Variants in RABGAP1L observed in about 807,000 individuals in gnomAD.
RABGAP1L encodes the protein RAB GTPase activating protein 1 like.
Under a neutral mutation model 137.7 loss-of-function variants are expected in RABGAP1L, and 63 were observed. The ratio of observed to expected loss-of-function variants is 0.46; its 90% CI spans 0.37 to 0.56. The LOEUF is 0.56. Ranked by LOEUF, RABGAP1L falls within the 20% of genes least tolerant of loss-of-function variation. The pLI is 0.00. For missense variants in RABGAP1L, 1,095 were observed against 1,244.0 expected (o/e 0.88, Z 1.80); for synonymous variants, 431 against 433.7 (o/e 0.99, Z 0.08).
chr1:174,943,802 C>T (rs1346636053), intron 19 of RABGAP1L, among the ~76,000 whole-genome samples: 4 of 151,916 alleles, frequency 2.6e-5, no homozygotes. Flanking sequence ...CACTGCACTC[C>T]AGCCGGCGCG....
chr1:174,436,243 A>C, intron 13 of RABGAP1L, among the ~76,000 whole-genome samples: 1 of 152,208 alleles, frequency 6.6e-6, no homozygotes, highest in Admixed American at 6.5e-5. Context: ...TGACTTCCAC[A>C]ATGGTTGAAC....
intron 1 of RABGAP1L, among the ~76,000 whole-genome samples, chr1:174,216,599 T>TG (rs1669343490): frequency 7.1e-6 from 1 of 140,280 alleles, no homozygotes; most frequent in Middle Eastern, 3.9e-3. Context: ...TTTTTTTTTT[T>TG]GTCCATGTGG....
At chr1:174,234,897 G>A (rs1477947569) in intron 4 of RABGAP1L, among the ~76,000 whole-genome samples, 1 of 135,014 alleles carries the variant, frequency 7.4e-6, no homozygotes, top group African/African-American at 3.0e-5. Flanking sequence ...TCCTACCCAT[G>A]AGCATGGAAT....
intron 13 of RABGAP1L, among the ~76,000 whole-genome samples, chr1:174,502,551 G>C (rs1158659069): frequency 2.1e-5 from 3 of 142,680 alleles, no homozygotes; most frequent in Non-Finnish European, 4.5e-5. Context: ...AAGAGAAACA[G>C]AGATAATGCA....
intron 19 of RABGAP1L, among the ~76,000 whole-genome samples, chr1:174,860,832 G>A (rs529382772): frequency 1.3e-5 from 2 of 152,194 alleles, no homozygotes; most frequent in South Asian, 4.2e-4. Flanking sequence ...TTATATTTAA[G>A]GTGTATAACA....
In RABGAP1L at chr1:174,448,891, C is replaced by T; in HGVS notation, c.1710+54746C>T. 6.2e-7 allele frequency: 1 copy of T among 1,613,332 alleles called. No homozygotes were observed. The highest frequency in any genetic ancestry group is 2.2e-5 in the East Asian group (1 of 44,882). ...CCAGAGAGACTGGACACAGCCCTGA[C>T]CGTCGCTACGCCATGGTTTTGTTTA... On this transcript the variant is annotated intron_variant, in intron 13 of 25. Transcript: ENST00000681986. This position sits in a 1 kb window ranked among gnomAD's most constrained non-coding sequence, Gnocchi z 4.2.
intron 17 of RABGAP1L, among the ~76,000 whole-genome samples, chr1:174,718,864 A>G (rs1306380467): frequency 1.7e-3 from 215 of 129,724 alleles, no homozygotes; most frequent in African/African-American, 5.8e-3. Context: ...TTTGAGACAG[A>G]GTTTCGCTCT....
At chr1:174,237,006 C>A (rs1420156780) in intron 4 of RABGAP1L, among the ~76,000 whole-genome samples, 160 of 102,774 alleles carry the variant, frequency 1.6e-3, no homozygotes, top group South Asian at 4.8e-3. Flanking sequence ...TTGAATTGAT[C>A]CCTTTACCAT....
chr1:174,294,459 A>G (rs1158481994), intron 10 of RABGAP1L, among the ~76,000 whole-genome samples: 1 of 152,186 alleles, frequency 6.6e-6, no homozygotes, highest in African/African-American at 2.4e-5. Flanking sequence ...TTGATGGAGC[A>G]TCAGTGGACT....
chr1:174,190,957 A>G (rs1228897024), intron 1 of RABGAP1L, among the ~76,000 whole-genome samples: 1 of 152,198 alleles, frequency 6.6e-6, no homozygotes, highest in African/African-American at 2.4e-5. Context: ...AAAGAGATGG[A>G]AGAACGGCTA....
At chr1:174,499,771 G>A (rs1661086583) in intron 13 of RABGAP1L, among the ~76,000 whole-genome samples, 1 of 152,188 alleles carries the variant, frequency 6.6e-6, no homozygotes, top group Non-Finnish European at 1.5e-5. Flanking sequence ...AACAGTTCTA[G>A]TGTTGTATAG....
intron 19 of RABGAP1L, among the ~76,000 whole-genome samples, chr1:174,910,974 T>C (rs1035941948): frequency 1.3e-5 from 2 of 152,240 alleles, no homozygotes; most frequent in Admixed American, 6.5e-5. Flanking sequence ...TTTTCCATTT[T>C]TTGATTCTAG....
intron 13 of RABGAP1L, among the ~76,000 whole-genome samples, chr1:174,633,855 C>CT (rs1673678545): frequency 8.5e-6 from 1 of 118,004 alleles, no homozygotes; most frequent in Non-Finnish European, 1.7e-5. Context: ...AACTGGATCC[C>CT]TTCCTTACAC....
At chr1:174,273,964 G>C (rs746572217) in intron 8 of RABGAP1L, among the ~76,000 whole-genome samples, 1 of 152,140 alleles carries the variant, frequency 6.6e-6, no homozygotes, top group Non-Finnish European at 1.5e-5. Flanking sequence ...GCAATGATTA[G>C]CAGTTGTGAT....
intron 11 of RABGAP1L, among the ~76,000 whole-genome samples, chr1:174,347,326 G>A (rs1307741695): frequency 6.6e-6 from 1 of 152,114 alleles, no homozygotes; most frequent in Non-Finnish European, 1.5e-5. Context: ...GAAGTCTCTA[G>A]CTATTGCATT....
chr1:174,587,102 T>C (rs904761614), intron 13 of RABGAP1L, among the ~76,000 whole-genome samples: 5 of 151,652 alleles, frequency 3.3e-5, no homozygotes, highest in African/African-American at 1.2e-4. Flanking sequence ...GGCTGCATAG[T>C]ATTCCATGGT....
At chr1:174,422,592 G>T (rs936705862) in intron 13 of RABGAP1L, among the ~76,000 whole-genome samples, 1 of 152,032 alleles carries the variant, frequency 6.6e-6, no homozygotes, top group African/African-American at 2.4e-5. Context: ...AGGCCCAAGA[G>T]AAGTTATATG....
chr1:174,777,471 G>A (rs1618234), intron 18 of RABGAP1L, among the ~76,000 whole-genome samples: 142,767 of 152,256 alleles, frequency 0.94, 67,621 homozygotes, highest in East Asian at 1. Flanking sequence ...ACATTGCCCA[G>A]TGTTCCCCTG....
chr1:174,516,005 T>A (rs1176290882), intron 13 of RABGAP1L, among the ~76,000 whole-genome samples: 3 of 152,042 alleles, frequency 2.0e-5, no homozygotes, highest in Admixed American at 6.6e-5. Flanking sequence ...TAAAAAACAG[T>A]AATAATGATA....
Sources: allele counts gnomAD v4.1 joint callset (sites outside exome capture counted in the v4.1 genomes callset), GRCh38; gene constraint gnomAD v4.1.1; non-coding constraint Gnocchi (gnomAD v3.1); transcripts MANE v1.5; gene names NCBI Gene and HGNC (gene_info 2026-07-23, HGNC 2026-07-21).